Variants in GOLM2 observed in about 807,000 individuals in gnomAD.
GOLM2 encodes protein GOLM2.
A neutral mutation model predicts 55.9 loss-of-function variants in GOLM2; 26 were observed. The observed-to-expected ratio is 0.47, with a 90% confidence interval of 0.34 to 0.65. The LOEUF is 0.65. Among genes scored for constraint, GOLM2 ranks in the 30% least tolerant of loss-of-function variants. The pLI is 0.01. For missense variants in GOLM2, 486 were observed against 531.8 expected (o/e 0.91, Z 0.85); for synonymous variants, 165 against 194.6 (o/e 0.85, Z 1.27).
At chr15:44,383,680 T>C (rs2079420382) in intron 8 of GOLM2, among the ~76,000 whole-genome samples, 4 of 146,898 alleles carry the variant, frequency 2.7e-5, no homozygotes, top group Non-Finnish European at 3.0e-5. Flanking sequence ...TTTTTCTTTT[T>C]TTTTTTTTTT....
At chr15:44,411,505 G>T (rs536509179) in intron 9 of GOLM2, among the ~76,000 whole-genome samples, 2 of 152,182 alleles carry the variant, frequency 1.3e-5, no homozygotes, top group African/African-American at 4.8e-5. Context: ...TAAGAAAAGT[G>T]ATTTTTTAAG....
intron 2 of GOLM2, 50 bp from the exon 3 acceptor site, chr15:44,328,635 C>A: frequency 8.2e-7 from 1 of 1,220,266 alleles, no homozygotes; most frequent in South Asian, 1.3e-5. Context: ...GAATAGGAAG[C>A]ATTACAATGA....
intron 8 of GOLM2, among the ~76,000 whole-genome samples, chr15:44,383,806 A>T (rs1279901515): frequency 6.7e-6 from 1 of 150,170 alleles, no homozygotes; most frequent in Admixed American, 6.7e-5. Context: ...CTTCCTCAGT[A>T]GCTGAGACCA....
At chr15:44,407,747 G>T (rs1020667427) in intron 9 of GOLM2, among the ~76,000 whole-genome samples, 2 of 150,188 alleles carry the variant, frequency 1.3e-5, no homozygotes, top group African/African-American at 2.4e-5. Flanking sequence ...CTGCACCCAG[G>T]CGATAGAGCT....
chr15:44,411,636 T>G (rs2079639082), intron 9 of GOLM2, among the ~76,000 whole-genome samples: 1 of 151,858 alleles, frequency 6.6e-6, no homozygotes, highest in Non-Finnish European at 1.5e-5. Flanking sequence ...GGCCAGGAGT[T>G]TGAGACCGGC....
chr15:44,359,323 C>G (rs991705959), intron 6 of GOLM2, among the ~76,000 whole-genome samples: 31 of 152,070 alleles, frequency 2.0e-4, no homozygotes, highest in Admixed American at 1.4e-3. Flanking sequence ...CGCAGTGGCT[C>G]ATGCCTGTAA....
rs1595626750 is a variant in GOLM2, at chr15:44,325,605, C to T, written c.382+2586C>T. Among the ~76,000 whole-genome samples the T allele has an allele frequency of 6.6e-5, 10 of 152,170 alleles. No individual in the cohort carries two copies. The South Asian group carries it at 2.1e-3, about 31-fold the overall frequency. On this transcript the variant is annotated intron_variant, in intron 2 of 9. Transcript: ENST00000299957. ...AGTCCGAAAGATCACCAATTGAAGT[C>T]TCTTTCTGGTAGTTGTTAAGTTTTG...
At chr15:44,300,537 G>A (rs2078790508) in intron 1 of GOLM2, among the ~76,000 whole-genome samples, 1 of 152,128 alleles carries the variant, frequency 6.6e-6, no homozygotes, top group Non-Finnish European at 1.5e-5. Context: ...CTAGGATTTA[G>A]TTGTGCAGAA....
At chr15:44,408,073 G>T (rs1429942333) in intron 9 of GOLM2, among the ~76,000 whole-genome samples, 1 of 152,112 alleles carries the variant, frequency 6.6e-6, no homozygotes, top group Non-Finnish European at 1.5e-5. Context: ...TTTAATGGAG[G>T]TGGCCTTTCT....
intron 1 of GOLM2, among the ~76,000 whole-genome samples, chr15:44,293,289 C>T (rs1434503009): frequency 6.6e-6 from 1 of 152,138 alleles, no homozygotes; most frequent in Non-Finnish European, 1.5e-5. Flanking sequence ...TACCCCACAC[C>T]CAGTCTTCCC....
At chr15:44,340,727 A>G (rs1329370265) in intron 6 of GOLM2, among the ~76,000 whole-genome samples, 1 of 152,234 alleles carries the variant, frequency 6.6e-6, no homozygotes, top group African/African-American at 2.4e-5. Context: ...ATTTTGATCT[A>G]TGCTAAAATT....
chr15:44,304,874 A>G (rs535940865), intron 1 of GOLM2, among the ~76,000 whole-genome samples: 2 of 152,262 alleles, frequency 1.3e-5, no homozygotes, highest in East Asian at 3.9e-4. Context: ...GTCTCTTGCT[A>G]TTTGTACCAC....
chr15:44,349,199 C>T lies in GOLM2; in HGVS notation c.802+10882C>T, dbSNP rs188936304. On this transcript the variant is annotated intron_variant, in intron 6 of 9. Coordinates refer to ENST00000299957, the MANE Select transcript of GOLM2 (RefSeq NM_138423.4). The stretch of plus-strand genomic sequence containing the variant: ...GCTTGAACCCGGGATGCAGAGGTTG[C>T]GGTGAGCTGAGATCGCGCCATTGCA... Among the ~76,000 whole-genome samples the T allele has an allele frequency of 3.4e-3, 489 of 144,050 alleles. 4 individuals carry two copies. Among genetic ancestry groups the T allele is most frequent in the Middle Eastern group, 0.022 (6 of 272 alleles). 94.5% of individuals were successfully genotyped at this position (144,050 alleles called of 152,430 possible). A position where few individuals can be genotyped will look rare whatever the true frequency, so the allele number is the denominator to read the frequency against.
rs544013437 is a variant in GOLM2 at position 44,368,231 on chromosome 15, G to A, written c.803-11459G>A. ...CGGCTCATTGCAACCTTCACCTCCC[G>A]GGTTCAGTCGATCCTCCCACCTAAA... is the stretch of plus-strand genomic sequence containing the variant. On this transcript the variant is annotated intron_variant, in intron 6 of 9. Transcript: ENST00000299957. Among the ~76,000 whole-genome samples, 504 of 151,626 alleles carry A rather than the reference G, an allele frequency of 3.3e-3. 4 individuals carry two copies. Among genetic ancestry groups the A allele is most frequent in the African/African-American group, 0.012 (479 of 41,302 alleles).
chr15:44,407,545 G>A (rs760181307), intron 9 of GOLM2, among the ~76,000 whole-genome samples: 5 of 151,648 alleles, frequency 3.3e-5, no homozygotes, highest in Non-Finnish European at 7.4e-5. Context: ...CAAAGTGTTC[G>A]GATTATAGGC....
At chr15:44,321,876 A>AC (rs1227460878) in intron 1 of GOLM2, among the ~76,000 whole-genome samples, 1 of 151,806 alleles carries the variant, frequency 6.6e-6, no homozygotes, top group Non-Finnish European at 1.5e-5. Context: ...ACATAGCAAG[A>AC]CCCCGTCTCT....
intron 8 of GOLM2, among the ~76,000 whole-genome samples, chr15:44,384,518 G>T (rs922702121): frequency 6.6e-6 from 1 of 151,972 alleles, no homozygotes; most frequent in Non-Finnish European, 1.5e-5. Flanking sequence ...AGGCTGAGGC[G>T]GGCAGATCAC....
intron 3 of GOLM2, among the ~76,000 whole-genome samples, chr15:44,331,690 T>C (rs1025180258): frequency 1.9e-4 from 29 of 152,186 alleles, no homozygotes; most frequent in Admixed American, 1.9e-3. Flanking sequence ...TGATTGAAGT[T>C]GGTTTTGAAA....
intron 8 of GOLM2, among the ~76,000 whole-genome samples, chr15:44,381,379 G>A (rs1246917707): frequency 6.6e-6 from 1 of 152,088 alleles, no homozygotes; most frequent in African/African-American, 2.4e-5. Flanking sequence ...ATACACTCTG[G>A]GGGATTGCCT....
Sources: gnomAD v4.1 joint callset for allele counts (sites outside exome capture counted in the v4.1 genomes callset) on GRCh38, gnomAD v4.1.1 for gene constraint, MANE v1.5 for transcripts, NCBI Gene and HGNC (gene_info 2026-07-23, HGNC 2026-07-21) for gene names.